ARID1B: variants seen among roughly 807,000 people sequenced by gnomAD.
ARID1B encodes AT-rich interactive domain-containing protein 1B.
ARID1B carries 30 observed loss-of-function variants against 212.3 expected under a neutral mutation model. The observed-to-expected ratio is 0.14, with a 90% CI of 0.11 to 0.19. The LOEUF is 0.19. Ranked by LOEUF, ARID1B falls within the 10% of genes least tolerant of loss-of-function variation. ARID1B has a pLI of 1.00. For missense variants in ARID1B, 2,891 were observed against 3,204.0 expected, an observed-to-expected ratio of 0.90 and a Z score of 2.36; for synonymous variants, 1,402 against 1,301.7, an observed-to-expected ratio of 1.08 and a Z score of -1.66.
At chr6:156,923,838 G>C (rs1791003656) in intron 3 of ARID1B, among the ~76,000 whole-genome samples, 1 of 151,850 alleles carries the variant, frequency 6.6e-6, no homozygotes, top group Admixed American at 6.6e-5. Flanking sequence ...CTCCCAAGTA[G>C]CTGGGGTTAC....
At chr6:157,035,526 A>G (rs1168762107) in intron 4 of ARID1B, among the ~76,000 whole-genome samples, 2 of 152,232 alleles carry the variant, frequency 1.3e-5, no homozygotes, top group Admixed American at 6.5e-5. Context: ...TGAAAAGTCT[A>G]TAATAAGGCC....
intron 4 of ARID1B, among the ~76,000 whole-genome samples, chr6:156,991,423 G>T (rs1197925450): frequency 2.0e-5 from 3 of 152,016 alleles, no homozygotes; most frequent in African/African-American, 7.3e-5. Flanking sequence ...GTAGAGATGG[G>T]GTTTCACCAT....
intron 3 of ARID1B, among the ~76,000 whole-genome samples, chr6:156,903,004 A>G (rs893083832): frequency 2.0e-5 from 3 of 152,198 alleles, no homozygotes; most frequent in Non-Finnish European, 2.9e-5. Context: ...TAAGGAGTCA[A>G]TAGATAAATT....
At chr6:157,057,155 C>T (rs991503700) in intron 4 of ARID1B, among the ~76,000 whole-genome samples, 1 of 151,962 alleles carries the variant, frequency 6.6e-6, no homozygotes, top group Non-Finnish European at 1.5e-5. Context: ...TGCCACCATG[C>T]CTGGCTCATT....
chr6:156,868,183 C>A (rs963731534), intron 2 of ARID1B, among the ~76,000 whole-genome samples: 1 of 152,204 alleles, frequency 6.6e-6, no homozygotes, highest in Non-Finnish European at 1.5e-5. Context: ...ATTTGTTGAA[C>A]TATTTAGGTA....
At chr6:156,900,718 G>A (rs1788854980) in intron 2 of ARID1B, among the ~76,000 whole-genome samples, 1 of 152,148 alleles carries the variant, frequency 6.6e-6, no homozygotes, top group African/African-American at 2.4e-5. Context: ...GCATTTTTAG[G>A]CTGATGTAAA....
At chr6:156,972,114 T>C (rs1311155740) in intron 4 of ARID1B, among the ~76,000 whole-genome samples, 1 of 152,220 alleles carries the variant, frequency 6.6e-6, no homozygotes, top group African/African-American at 2.4e-5. Flanking sequence ...GTATAATACA[T>C]AAAGGTTAAA....
rs995892727 is a variant in ARID1B at position 157,022,196 on chromosome 6, T to TGGGCG, written c.2248-62460_2248-62456dup. Reference sequence around the variant, plus strand: ...GTGGAGGGGCGGGGCCGGCGGGAGGTGGGCGGGGCGAGGCTGGCAGGCCGC... The same window carrying TGGGCG: ...GTGGAGGGGCGGGGCCGGCGGGAGGTGGGCGGGGCGGGGCGAGGCTGGCAGGCCGC... On this transcript the variant is annotated intron_variant, in intron 4 of 19. Coordinates refer to ENST00000636930, the MANE Select transcript of ARID1B (RefSeq NM_001374828.1). The TGGGCG allele has an allele frequency of 1.9e-4, 6 of 31,776 alleles. No homozygotes were observed. The Admixed American group carries it at 2.0e-3, about 10-fold the overall frequency. The allele number at this position is 31,776 out of a possible 1,614,324, so 2.0% of individuals were successfully genotyped here.
chr6:157,121,734 C>T (rs1329281480), intron 6 of ARID1B, among the ~76,000 whole-genome samples: 1 of 146,048 alleles, frequency 6.8e-6, no homozygotes, highest in Non-Finnish European at 1.5e-5. Context: ...TGGGTTCAAG[C>T]AGTTCTCCTG....
At chr6:157,178,789 G>A (rs1367275173) in intron 11 of ARID1B, among the ~76,000 whole-genome samples, 1 of 152,112 alleles carries the variant, frequency 6.6e-6, no homozygotes, top group Non-Finnish European at 1.5e-5. Context: ...ATTATCTCAG[G>A]CCTATTCCAG....
At position 157,099,783 on chromosome 6, in the gene ARID1B, C is replaced by T. The variant is rs573881274; in HGVS notation, c.2492-10689C>T. On this transcript the variant is annotated intron_variant, in intron 5 of 19. Transcript: ENST00000636930. Reference sequence around the variant, plus strand: ...GGGAGGAGAGTTGAAAAGCTTAATCCGGCAGGTTTTTGACAGTGTATTAGT... The same window carrying T: ...GGGAGGAGAGTTGAAAAGCTTAATCTGGCAGGTTTTTGACAGTGTATTAGT... 1.4e-4 allele frequency among the ~76,000 whole-genome samples: 22 copies of T among 152,176 alleles called. No individual in the cohort carries two copies. In the South Asian group the frequency reaches 3.3e-3, roughly 23 times the overall value.
intron 4 of ARID1B, among the ~76,000 whole-genome samples, chr6:157,014,384 A>G (rs138223202): frequency 9.6e-4 from 146 of 152,330 alleles, no homozygotes; most frequent in Middle Eastern, 3.4e-3. Flanking sequence ...CCGCTTCCTT[A>G]GTTAGCTAAA....
intron 4 of ARID1B, among the ~76,000 whole-genome samples, chr6:157,065,178 A>C (rs1321788956): frequency 1.3e-5 from 2 of 152,228 alleles, no homozygotes; most frequent in Admixed American, 6.5e-5. Context: ...AGTCATGAAG[A>C]ATATAAGTTA....
chr6:157,186,975 T>G (rs78728439), intron 13 of ARID1B, among the ~76,000 whole-genome samples: 1 of 152,136 alleles, frequency 6.6e-6, no homozygotes, highest in Non-Finnish European at 1.5e-5. Context: ...GCACCCCACA[T>G]ATCACTGCCA....
At chr6:156,978,371 C>G (rs1314567543) in intron 4 of ARID1B, among the ~76,000 whole-genome samples, 1 of 152,196 alleles carries the variant, frequency 6.6e-6, no homozygotes, top group Non-Finnish European at 1.5e-5. Context: ...CACCACAGAT[C>G]TTGTCCAGAT....
Position 156,778,023 on chromosome 6 carries a change from G to A in ARID1B, c.343G>A (p.Ala115Thr), listed in dbSNP as rs1459233645. 1.5e-5 allele frequency: 23 copies of A among 1,533,960 alleles called. No homozygotes were observed. The highest frequency in any genetic ancestry group is 2.0e-5 in the Non-Finnish European group (23 of 1,145,594). The change falls in exon 1 of 20, where the codon GCC (alanine) becomes ACC (threonine). Residue 115 changes from alanine (A) to threonine (T), a missense_variant. Physicochemically the swap from Ala to Thr is moderately conservative, Grantham distance 58 (BLOSUM62 0). Transcript: ENST00000636930. Reference protein sequence around the residue: ...EAALKEGGSAAALSSSSSSSA... With the variant: ...EAALKEGGSATALSSSSSSSA... The stretch of plus-strand genomic sequence containing the variant: ...GGCTCTCAAGGAGGGTGGAAGCGCC[G>A]CCGCGCTGTCCTCCTCCTCCTCCTC...
At chr6:156,887,889 G>A (rs1338632186) in intron 2 of ARID1B, among the ~76,000 whole-genome samples, 4 of 152,252 alleles carry the variant, frequency 2.6e-5, no homozygotes, top group African/African-American at 9.6e-5. Context: ...GAATGGTCTC[G>A]CTCCTCCTGT....
intron 16 of ARID1B, among the ~76,000 whole-genome samples, chr6:157,197,317 G>C (rs146865510): frequency 6.6e-6 from 1 of 152,252 alleles, no homozygotes; most frequent in Non-Finnish European, 1.5e-5. Flanking sequence ...CGGAAGCTGC[G>C]TGTGCTGTTC....
At chr6:157,172,877 T>C (rs896612969) in intron 9 of ARID1B, 4 of 151,900 alleles carry the variant, frequency 2.6e-5, no homozygotes, top group African/African-American at 7.3e-5. Flanking sequence ...ATTTGCAGAA[T>C]GTAGAATGGG....
Sources: gnomAD v4.1 joint callset for allele counts (sites outside exome capture counted in the v4.1 genomes callset) on GRCh38, gnomAD v4.1.1 for gene constraint, MANE v1.5 for transcripts, NCBI Gene and HGNC (gene_info 2026-07-23, HGNC 2026-07-21) for gene names.